SEC13: variants seen among roughly 807,000 people sequenced by gnomAD.
SEC13 encodes the protein protein SEC13 homolog.
SEC13 carries 25 observed loss-of-function variants against 49.2 expected under a neutral mutation model. That is an observed-to-expected ratio of 0.51 (90% CI 0.37 to 0.71). The LOEUF (loss-of-function observed/expected upper bound fraction) is 0.71. Ranked by LOEUF, SEC13 falls within the 30% of genes least tolerant of loss-of-function variation. The pLI, the probability that SEC13 is intolerant of heterozygous loss-of-function variation, is 0.00. For missense variants in SEC13, 383 were observed against 417.6 expected, an observed-to-expected ratio of 0.92 and a Z score of 0.72; for synonymous variants, 148 against 163.9, an observed-to-expected ratio of 0.90 and a Z score of 0.74.
intron 2 of SEC13, among the ~76,000 whole-genome samples, chr3:10,317,676 T>G (rs1701689820): frequency 6.6e-6 from 1 of 152,074 alleles, no homozygotes; most frequent in African/African-American, 2.4e-5. Flanking sequence ...TTCACCCCCC[T>G]TTCCAGTGGG....
At chr3:10,309,465 T>C (rs1701111889) in intron 5 of SEC13, among the ~76,000 whole-genome samples, 2 of 152,232 alleles carry the variant, frequency 1.3e-5, no homozygotes, top group African/African-American at 4.8e-5. Context: ...GTTTATCCTT[T>C]TCAGGCAGGA....
In SEC13 at chr3:10,311,643, C is replaced by G. The variant is rs186330862; in HGVS notation, c.450+322G>C. 3.4e-6 allele frequency: 4 copies of G among 1,175,056 alleles called. No individual in the cohort carries two copies. In the African/African-American group the frequency reaches 6.3e-5, roughly 18 times the overall value. 72.8% of individuals were successfully genotyped at this position (1,175,056 alleles called of 1,614,324 possible). On this transcript the variant is annotated intron_variant, in intron 5 of 8. Transcript: ENST00000350697. ...TTTTAAAAGTTTTAATAACACCACT[C>G]CATTCTACAGGGTCCCAATGACTAC...
chr3:10,307,895 C>T (rs900696519), intron 5 of SEC13, among the ~76,000 whole-genome samples: 2 of 152,148 alleles, frequency 1.3e-5, no homozygotes, highest in East Asian at 1.9e-4. Flanking sequence ...ACCCTCATTT[C>T]GTCTTAGTTC....
At chr3:10,315,225 T>C (rs1701526426) in intron 3 of SEC13, 96 bp downstream of exon 3, 1 of 894,762 alleles carries the variant, frequency 1.1e-6, no homozygotes, top group Non-Finnish European at 1.8e-6. Context: ...GGGGTTGCTC[T>C]GAATCTGGGC....
At chr3:10,314,260 C>T (rs566631329) in intron 3 of SEC13, among the ~76,000 whole-genome samples, 4 of 152,298 alleles carry the variant, frequency 2.6e-5, no homozygotes, top group African/African-American at 4.8e-5. Context: ...GGATTACAGG[C>T]GTGAGCCACC....
At chr3:10,316,162 C>G (rs1438362529) in intron 2 of SEC13, among the ~76,000 whole-genome samples, 1 of 152,234 alleles carries the variant, frequency 6.6e-6, no homozygotes, top group Non-Finnish European at 1.5e-5. Context: ...CCCCTACCTG[C>G]AGATCCTTGT....
At chr3:10,315,750 C>G (rs1267780790) in intron 2 of SEC13, among the ~76,000 whole-genome samples, 1 of 152,204 alleles carries the variant, frequency 6.6e-6, no homozygotes, top group African/African-American at 2.4e-5. Context: ...CCTAGCTGCC[C>G]TCTTCTTCCT....
intron 8 of SEC13, among the ~76,000 whole-genome samples, chr3:10,302,393 T>TA (rs1559489319): frequency 1.3e-5 from 2 of 152,192 alleles, no homozygotes; most frequent in Non-Finnish European, 2.9e-5. Context: ...GAAAACATAC[T>TA]AAGTCCTTTA....
intron 7 of SEC13, among the ~76,000 whole-genome samples, chr3:10,304,589 T>A (rs894569072): frequency 2.6e-5 from 4 of 152,112 alleles, no homozygotes; most frequent in African/African-American, 9.7e-5. Context: ...GTTCCCATGA[T>A]GTGAAAGGCC....
Position 10,301,158 on chromosome 3 carries a change from A to G in SEC13, c.*103T>C. The G allele has an allele frequency of 6.2e-7, 1 of 1,613,912 alleles. No individual in the cohort carries two copies. Among genetic ancestry groups the G allele is most frequent in the Non-Finnish European group, 8.5e-7 (1 of 1,179,878 alleles). On this transcript the variant is annotated 3_prime_UTR_variant, in exon 9 of 9. Transcript: ENST00000350697. ...CATCTGTAACTCCTCCTGGGAAAATAATCCTGTTGGAGTTGGGGGCTCTTC... is the reference window on the plus strand; with the variant it reads ...CATCTGTAACTCCTCCTGGGAAAATGATCCTGTTGGAGTTGGGGGCTCTTC...
intron 1 of SEC13, among the ~76,000 whole-genome samples, chr3:10,320,225 C>A (rs1240155309): frequency 2.6e-5 from 4 of 152,206 alleles, no homozygotes; most frequent in Non-Finnish European, 5.9e-5. Context: ...ACCTAACCCT[C>A]TGCAGAACAA....
In SEC13 at chr3:10,301,059, T is replaced by G; in HGVS notation, c.*202A>C. 3 of 1,607,502 alleles carry G rather than the reference T, an allele frequency of 1.9e-6. No homozygotes were observed. The highest frequency in any genetic ancestry group is 1.7e-6 in the Non-Finnish European group (2 of 1,177,002). ...CACTTGTAGTTTCTTCCTCGTAACA[T>G]GAGTGCTTTCAGCTGGACAGTAGAT... On this transcript the variant is annotated 3_prime_UTR_variant, in exon 9 of 9. Transcript: ENST00000350697.
rs1355751109 is a variant in SEC13, at chr3:10,304,088, C to A, written c.793G>T (p.Val265Leu). 2 of 1,614,030 alleles carry A rather than the reference C, an allele frequency of 1.2e-6. No individual in the cohort carries two copies. The highest frequency in any genetic ancestry group is 1.7e-6 in the Non-Finnish European group (2 of 1,180,024). Residue 265 changes from valine to leucine, a missense_variant, in exon 8 of 9, where the codon GTG becomes TTG. Val to Leu is a conservative substitution (Grantham distance 32). Coordinates refer to ENST00000350697, the MANE Select transcript of SEC13 (RefSeq NM_183352.3). ...PKLLHKFNDV[V>L]WHVSWSITAN... ...GTGATGGACCAGCTCACATGCCACA[C>A]CACATCGTTGAACTTGTGCAACAAT...
chr3:10,309,083 G>A (rs1234237279), intron 5 of SEC13, among the ~76,000 whole-genome samples: 3 of 151,678 alleles, frequency 2.0e-5, no homozygotes, highest in East Asian at 1.9e-4. Context: ...GATTACAGGT[G>A]TGCGCCACCA....
intron 1 of SEC13, among the ~76,000 whole-genome samples, chr3:10,320,006 GGAGAGAGA>G (rs59019332): frequency 9.7e-6 from 1 of 103,110 alleles, no homozygotes; most frequent in Non-Finnish European, 1.9e-5. Flanking sequence ...GGGAGGGTGG[GGAGAGAGA>G]GAGAGAGAGA....
Position 10,320,428 on chromosome 3 carries a change from CAG to C in SEC13, c.3+620_3+621del, listed in dbSNP as rs1378218099. 1.3e-5 allele frequency: 9 copies of C among 696,786 alleles called. No individual in the cohort carries two copies. The African/African-American group carries it at 1.7e-4, about 13-fold the overall frequency. 43.2% of individuals were successfully genotyped at this position (696,786 alleles called of 1,614,324 possible). On this transcript the variant is annotated intron_variant, in intron 1 of 8. Coordinates refer to ENST00000350697, the MANE Select transcript of SEC13 (RefSeq NM_183352.3). ...GAGTGAATGTACACTGCAGATGCCA[CAG>C]AGACTTAAAAAACCCTGAGCCCCTG...
At chr3:10,308,852 G>A (rs886315397) in intron 5 of SEC13, among the ~76,000 whole-genome samples, 11 of 122,136 alleles carry the variant, frequency 9.0e-5, no homozygotes, top group African/African-American at 2.8e-4. Context: ...GGTTGGTCTT[G>A]AACTCCTGGC....
chr3:10,314,426 C>G (rs1701475145), intron 3 of SEC13, among the ~76,000 whole-genome samples: 1 of 152,234 alleles, frequency 6.6e-6, no homozygotes, highest in South Asian at 2.1e-4. Flanking sequence ...TTTGAGGTAG[C>G]TAAGTAACCG....
chr3:10,306,591 A>T (rs1700892572), intron 5 of SEC13, among the ~76,000 whole-genome samples: 1 of 152,182 alleles, frequency 6.6e-6, no homozygotes, highest in East Asian at 1.9e-4. Context: ...TTACCCAGGG[A>T]TAGAGGTCTG....
Sources: gnomAD v4.1 joint callset for allele counts (sites outside exome capture counted in the v4.1 genomes callset) on GRCh38, gnomAD v4.1.1 for gene constraint, MANE v1.5 for transcripts, NCBI Gene and HGNC (gene_info 2026-07-23, HGNC 2026-07-21) for gene names.